Variants in SKAP1 observed in about 807,000 individuals in gnomAD.
SKAP1 encodes src kinase associated phosphoprotein 1, also known as src kinase-associated phosphoprotein 1.
SKAP1 carries 44 observed loss-of-function variants against 58.5 expected under a neutral mutation model. The ratio of observed to expected loss-of-function variants is 0.75; its 90% confidence interval spans 0.59 to 0.97. The LOEUF is 0.97. SKAP1 is among the 50% of genes least tolerant of loss of function. SKAP1 has a pLI of 0.00. For synonymous variants in SKAP1, 127 were observed against 149.7 expected, an observed-to-expected ratio of 0.85 and a Z score of 1.11; for missense variants, 390 against 435.2, an observed-to-expected ratio of 0.90 and a Z score of 0.92.
At chr17:48,307,993 T>A (rs1051720113) in intron 4 of SKAP1, 2 of 152,228 alleles carry the variant, frequency 1.3e-5, no homozygotes, top group Admixed American at 1.3e-4. Flanking sequence ...TGGGTCGTCT[T>A]CCAGCCACAA....
intron 4 of SKAP1, chr17:48,248,761 G>T (rs962825829): frequency 6.6e-5 from 10 of 152,164 alleles, no homozygotes; most frequent in Admixed American, 2.6e-4. Flanking sequence ...GCCTTAGATT[G>T]TGTGATCAGG....
At chr17:48,272,784 T>A (rs112147946) in intron 4 of SKAP1, among the ~76,000 whole-genome samples, 1 of 152,060 alleles carries the variant, frequency 6.6e-6, no homozygotes, top group South Asian at 2.1e-4. Flanking sequence ...CTCGAACTCC[T>A]GAGCTCAAGC....
At chr17:48,301,175 A>T (rs2066051590) in intron 4 of SKAP1, among the ~76,000 whole-genome samples, 1 of 152,152 alleles carries the variant, frequency 6.6e-6, no homozygotes, top group Admixed American at 6.5e-5. Context: ...TTTAGGTAAC[A>T]TATACCCACA....
At chr17:48,445,014 C>T in the SKAP1 span, among the ~76,000 whole-genome samples, 3 of 152,080 alleles carry the variant, frequency 2.0e-5, no homozygotes, top group African/African-American at 7.2e-5. Context: ...TCACCTCAGC[C>T]AGGCAATCGA....
chr17:48,353,758 T>C (rs2066834722), intron 3 of SKAP1, among the ~76,000 whole-genome samples: 1 of 150,894 alleles, frequency 6.6e-6, no homozygotes, highest in African/African-American at 2.4e-5. Context: ...TAGCTGGGCG[T>C]GGTGGCAGGT....
intron 4 of SKAP1, among the ~76,000 whole-genome samples, chr17:48,314,133 T>C (rs2066259650): frequency 6.6e-6 from 1 of 152,168 alleles, no homozygotes; most frequent in Admixed American, 6.5e-5. Context: ...GAAAGATGAA[T>C]TGCAAAAAGT....
intron 2 of SKAP1, among the ~76,000 whole-genome samples, chr17:48,383,886 A>AT (rs1326794401): frequency 6.6e-6 from 1 of 151,514 alleles, no homozygotes; most frequent in Non-Finnish European, 1.5e-5. Context: ...TGCCCGGCTA[A>AT]TTTTTTTGTA....
intron 11 of SKAP1, among the ~76,000 whole-genome samples, chr17:48,154,976 C>T (rs933980729): frequency 6.6e-6 from 1 of 151,430 alleles, no homozygotes; most frequent in Non-Finnish European, 1.5e-5. Flanking sequence ...AGGAGAACCG[C>T]TCGAACTCAG....
At chr17:48,234,070 A>G (rs1469581157) in intron 4 of SKAP1, among the ~76,000 whole-genome samples, 1 of 152,240 alleles carries the variant, frequency 6.6e-6, no homozygotes, top group African/African-American at 2.4e-5. Context: ...CTAAGCTTTC[A>G]TAACAGCTTT....
chr17:48,386,438 T>C (rs2067277673), intron 2 of SKAP1, among the ~76,000 whole-genome samples: 2 of 152,022 alleles, frequency 1.3e-5, no homozygotes, highest in South Asian at 4.2e-4. Context: ...ACCGTGCTTC[T>C]CAAATGTTAA....
the SKAP1 span, among the ~76,000 whole-genome samples, chr17:48,440,412 C>T: frequency 6.6e-6 from 1 of 152,180 alleles, no homozygotes; most frequent in Non-Finnish European, 1.5e-5. Context: ...GGACAACAGT[C>T]ATATCAATAT....
At chr17:48,325,346 C>T (rs1020785231) in intron 4 of SKAP1, among the ~76,000 whole-genome samples, 3 of 149,402 alleles carry the variant, frequency 2.0e-5, no homozygotes, top group Admixed American at 2.0e-4. Flanking sequence ...AGTGTAGTTA[C>T]TGCTCCTTCC....
intron 2 of SKAP1, among the ~76,000 whole-genome samples, chr17:48,379,688 T>C (rs1281396277): frequency 6.6e-6 from 1 of 151,170 alleles, no homozygotes; most frequent in Non-Finnish European, 1.5e-5. Context: ...TCTTCTTTTT[T>C]TTTTTTTTTT....
chr17:48,439,549 G>C, the SKAP1 span, among the ~76,000 whole-genome samples: 1 of 152,180 alleles, frequency 6.6e-6, no homozygotes, highest in Non-Finnish European at 1.5e-5. Flanking sequence ...GTTGAATCTG[G>C]TGTTATTTAC....
chr17:48,145,573 C>T (rs1404935575), intron 11 of SKAP1, among the ~76,000 whole-genome samples: 1 of 152,088 alleles, frequency 6.6e-6, no homozygotes, highest in African/African-American at 2.4e-5. Flanking sequence ...TATCATGGAC[C>T]TCCTCAGAGC....
At chr17:48,286,567 A>G (rs569963316) in intron 4 of SKAP1, among the ~76,000 whole-genome samples, 1 of 152,356 alleles carries the variant, frequency 6.6e-6, no homozygotes, top group East Asian at 1.9e-4. Context: ...TTGAACTAGA[A>G]AAGCAAAAAT....
rs545272498 is a variant in SKAP1 at position 48,404,951 on chromosome 17, TAAAG to T, written c.47-8170_47-8167del. Among the ~76,000 whole-genome samples, 200 of 152,270 alleles carry T rather than the reference TAAAG, an allele frequency of 1.3e-3. 1 individual carries two copies. The highest frequency in any genetic ancestry group is 4.5e-3 in the African/African-American group (186 of 41,580). On this transcript the variant is annotated intron_variant, in intron 1 of 12. Coordinates refer to ENST00000336915, the MANE Select transcript of SKAP1 (RefSeq NM_003726.4). Reference sequence around the variant, plus strand: ...GCAATAATTCATATCGAAATAGAATTAAAGAAACTATTATTAAAAGGCCAAAGGT... The same window carrying T: ...GCAATAATTCATATCGAAATAGAATTAAACTATTATTAAAAGGCCAAAGGT...
chr17:48,375,238 C>A (rs566399676), intron 2 of SKAP1, among the ~76,000 whole-genome samples: 15 of 152,128 alleles, frequency 9.9e-5, no homozygotes, highest in African/African-American at 3.1e-4. Flanking sequence ...GTTCACCTAC[C>A]TACTAAATAC....
chr17:48,184,309 A>AT (rs11399337), intron 7 of SKAP1, among the ~76,000 whole-genome samples: 84,711 of 151,738 alleles, frequency 0.56, 24,626 homozygotes, highest in East Asian at 0.77. Context: ...TGGGAAAATA[A>AT]TTTTTTTTCA....
Sources: gnomAD v4.1 joint callset for allele counts (sites outside exome capture counted in the v4.1 genomes callset) on GRCh38, gnomAD v4.1.1 for gene constraint, MANE v1.5 for transcripts, NCBI Gene and HGNC (gene_info 2026-07-23, HGNC 2026-07-21) for gene names.